Variants in LMNA observed in about 807,000 individuals in gnomAD.
The protein encoded by LMNA is lamin A/C.
In LMNA, 20 loss-of-function variants were observed where a neutral mutation model predicts 70.4. The observed-to-expected ratio is 0.28, with a 90% CI of 0.20 to 0.41. The LOEUF is 0.41. LMNA is among the 10% of genes least tolerant of loss of function. The pLI, the probability that LMNA is intolerant of heterozygous loss-of-function variation, is 1.00. For synonymous variants in LMNA, 339 were observed against 372.8 expected (o/e 0.91, Z 1.04); for missense variants, 652 against 917.2 (o/e 0.71, Z 3.73).
rs1651355363 is a variant in LMNA at position 156,134,513 on chromosome 1, G to A, written c.624G>A (p.Lys208=). Residue 208 remains lysine (K), a synonymous_variant, in exon 3 of 12, where the codon AAG becomes AAA. Transcript: ENST00000368300. This position sits in a 1 kb window ranked among gnomAD's most constrained non-coding sequence, Gnocchi z 5.3. ...QTMKEELDFQ[K]NIYSEELRET... ...TGAAGGAGGAACTGGACTTCCAGAA[G>A]AACATCTACAGTGAGGTGGGGACTG... The A allele has an allele frequency of 6.2e-7, 1 of 1,614,122 alleles. No homozygotes were observed. Among genetic ancestry groups the A allele is most frequent in the Non-Finnish European group, 8.5e-7 (1 of 1,180,044 alleles).
Position 156,137,308 on chromosome 1 carries a change from A to G in LMNA, c.1608+76A>G, listed in dbSNP as rs943846589. 3 of 1,531,888 alleles carry G rather than the reference A, an allele frequency of 2.0e-6. No homozygotes were observed. The highest frequency in any genetic ancestry group is 1.4e-5 in the African/African-American group (1 of 72,890). The allele number at this position is 1,531,888 out of a possible 1,614,324, so 94.9% of individuals were successfully genotyped here. A position where few individuals can be genotyped will look rare whatever the true frequency, so the allele number is the denominator to read the frequency against. On this transcript the variant is annotated intron_variant, in intron 9 of 11. Transcript: ENST00000368300. This position sits in a 1 kb window ranked among gnomAD's most constrained non-coding sequence, Gnocchi z 4.6. ...CCAACATCGGAGCCAGCTGCCCCCA[A>G]CCCAAGTTTGCCAATTCAGGGCCCC...
chr1:156,091,333 TG>T (rs1358590009), intron 3 of LMNA, among the ~76,000 whole-genome samples: 1 of 152,218 alleles, frequency 6.6e-6, no homozygotes, highest in African/African-American at 2.4e-5. Flanking sequence ...CCAGGTGCGG[TG>T]GCTCACCCCT....
intron 3 of LMNA, among the ~76,000 whole-genome samples, chr1:156,092,672 T>A (rs1459802711): frequency 4.2e-5 from 6 of 143,674 alleles, no homozygotes; most frequent in African/African-American, 1.6e-4. Context: ...AGAGCGAGAC[T>A]CCATCTCAAA....
chr1:156,110,332 T>C (rs1346730325), upstream of LMNA, among the ~76,000 whole-genome samples: 1 of 152,238 alleles, frequency 6.6e-6, no homozygotes. Context: ...TAGTAGATGT[T>C]CAATAAATAT....
chr1:156,136,443 T>C lies in LMNA; in HGVS notation c.1380+7T>C. The C allele has an allele frequency of 6.4e-7, 1 of 1,563,948 alleles. No homozygotes were observed. Among genetic ancestry groups the C allele is most frequent in the Non-Finnish European group, 8.7e-7 (1 of 1,154,848 alleles). ...GCGCAACAAGTCCAATGAGGTAGGCTCCTGCTCAGGGTCTAAGGGGATACA... is the reference window on the plus strand; with the variant it reads ...GCGCAACAAGTCCAATGAGGTAGGCCCCTGCTCAGGGTCTAAGGGGATACA... On this transcript the variant is annotated splice_region_variant and intron_variant, in intron 7 of 11. Transcript: ENST00000368300. This position sits in a 1 kb window ranked among gnomAD's most constrained non-coding sequence, Gnocchi z 6.1.
At chr1:156,102,345 A>G (rs1413496052) in intron 3 of LMNA, among the ~76,000 whole-genome samples, 1 of 152,164 alleles carries the variant, frequency 6.6e-6, no homozygotes, top group East Asian at 1.9e-4. Context: ...CCTGGGGTAC[A>G]GAGGGCAGCA....
In LMNA at chr1:156,137,081, C is replaced by T. The variant is rs1403856919; in HGVS notation, c.1489-32C>T. 2.0e-5 allele frequency: 33 copies of T among 1,613,942 alleles called. No individual in the cohort carries two copies. The highest frequency in any genetic ancestry group is 6.7e-5 in the East Asian group (3 of 44,896). On this transcript the variant is annotated intron_variant, in intron 8 of 11. Coordinates refer to ENST00000368300, the MANE Select transcript of LMNA (RefSeq NM_170707.4). This position sits in a 1 kb window ranked among gnomAD's most constrained non-coding sequence, Gnocchi z 4.6. ...GGGAGGCCTTGGGTGGCGATGGGAG[C>T]GCTGGGGTAAGTGTCCTTTTCTCCT... is the stretch of plus-strand genomic sequence containing the variant.
At position 156,137,713 on chromosome 1, in the gene LMNA, G is replaced by A. The variant is rs1384074908; in HGVS notation, c.1668G>A (p.Glu556=). Residue 556 remains glutamate (E), a synonymous_variant, in exon 10 of 12, where the codon GAG becomes GAA. Coordinates refer to ENST00000368300, the MANE Select transcript of LMNA (RefSeq NM_170707.4). The surrounding 1 kb of genome is among the most constrained non-coding windows in gnomAD (Gnocchi z 4.6). ...CTGTGGTTGAGGACGACGAGGATGA[G>A]GATGGAGATGACCTGCTCCATCACC... ...SVTVVEDDED[E]DGDDLLHHHH... 3 of 1,554,436 alleles carry A rather than the reference G, an allele frequency of 1.9e-6. No individual in the cohort carries two copies. Among genetic ancestry groups the A allele is most frequent in the East Asian group, 2.4e-5 (1 of 41,640 alleles).
Position 156,134,592 on chromosome 1 carries a change from AG to A in LMNA, c.639+70del, listed in dbSNP as rs1651368288. The A allele has an allele frequency of 1.2e-6, 2 of 1,606,730 alleles. No individual in the cohort carries two copies. Among genetic ancestry groups the A allele is most frequent in the Non-Finnish European group, 1.7e-6 (2 of 1,175,660 alleles). On this transcript the variant is annotated intron_variant, in intron 3 of 11. Coordinates refer to ENST00000368300, the MANE Select transcript of LMNA (RefSeq NM_170707.4). The surrounding 1 kb of genome is among the most constrained non-coding windows in gnomAD (Gnocchi z 5.3). ...GGTGATGACAGACTTGGGCTGGGCT[AG>A]GGGGGACCAGCTGTGTGCAGAGCTC...
At chr1:156,104,675 G>A (rs984823263) in intron 3 of LMNA, among the ~76,000 whole-genome samples, 5 of 152,012 alleles carry the variant, frequency 3.3e-5, no homozygotes, top group Admixed American at 2.0e-4. Flanking sequence ...CTTCTCCCCC[G>A]CTACATCTCA....
intron 3 of LMNA, among the ~76,000 whole-genome samples, chr1:156,098,081 C>G (rs1300523342): frequency 6.6e-6 from 1 of 152,216 alleles, no homozygotes; most frequent in Non-Finnish European, 1.5e-5. Flanking sequence ...TCTTGTTCAG[C>G]TTTGGGGCCC....
At position 156,126,018 on chromosome 1, in the gene LMNA, C is replaced by A. The variant is rs2485672; in HGVS notation, c.357-4599C>A. The A allele has an allele frequency of 0.076, 23,548 of 311,588 alleles. 1,824 individuals are homozygous for A. The highest frequency in any genetic ancestry group is 0.25 in the African/African-American group (11,325 of 45,566). The allele number at this position is 311,588 out of a possible 1,614,324, so 19.3% of individuals were successfully genotyped here. On this transcript the variant is annotated intron_variant, in intron 1 of 11. Transcript: ENST00000368300. ...ATAAATGAAAAATTTTAAAATTAAACAATTAAAAATTTTAAATTAAAATTA... is the reference window on the plus strand; with the variant it reads ...ATAAATGAAAAATTTTAAAATTAAAAAATTAAAAATTTTAAATTAAAATTA...
chr1:156,096,823 C>G (rs544150330), intron 3 of LMNA, among the ~76,000 whole-genome samples: 1 of 152,368 alleles, frequency 6.6e-6, no homozygotes, highest in East Asian at 1.9e-4. Context: ...CTCCCCTTGG[C>G]CACCTCCCTT....
chr1:156,130,268 A>C (rs920161765), intron 1 of LMNA, among the ~76,000 whole-genome samples: 1 of 152,082 alleles, frequency 6.6e-6, no homozygotes, highest in East Asian at 1.9e-4. Context: ...CTGTGTGGGA[A>C]GGGGCAGGAG....
At chr1:156,086,393 A>ACTCT (rs55740793) in intron 2 of LMNA, among the ~76,000 whole-genome samples, 4,485 of 146,322 alleles carry the variant, frequency 0.031, 79 homozygotes, top group South Asian at 0.06. Context: ...GTGACCTCTG[A>ACTCT]CTCTCTCTCT....
chr1:156,127,509 G>GTTTTT (rs1170940332), intron 1 of LMNA, among the ~76,000 whole-genome samples: 4 of 84,494 alleles, frequency 4.7e-5, no homozygotes, highest in South Asian at 4.1e-4. Flanking sequence ...CCCCCTTACT[G>GTTTTT]TTTTTTTTTT....
At chr1:156,124,104 G>A (rs1011857082) in intron 1 of LMNA, among the ~76,000 whole-genome samples, 6 of 152,194 alleles carry the variant, frequency 3.9e-5, no homozygotes, top group African/African-American at 1.2e-4. Flanking sequence ...CAAGGGAAGC[G>A]TGTGGAAGCA....
chr1:156,113,642 C>T (rs968385093), upstream of LMNA, among the ~76,000 whole-genome samples: 2 of 152,052 alleles, frequency 1.3e-5, no homozygotes, highest in African/African-American at 2.4e-5. Context: ...CCCCCCACTA[C>T]CTTCTTTCTG....
Position 156,136,286 on chromosome 1 carries a change from G to A in LMNA, c.1230G>A (p.Gln410=), listed in dbSNP as rs1651615685. Residue 410 remains glutamine (Q), a synonymous_variant, in exon 7 of 12, where the codon CAG becomes CAA. Coordinates refer to ENST00000368300, the MANE Select transcript of LMNA (RefSeq NM_170707.4). This position sits in a 1 kb window ranked among gnomAD's most constrained non-coding sequence, Gnocchi z 6.1. The part of the protein sequence containing the change: ...GRASSHSSQT[Q]GGGSVTKKRK... The stretch of plus-strand genomic sequence containing the variant: ...CTTCCTCTCACTCATCCCAGACACA[G>A]GGTGGGGGCAGCGTCACCAAAAAGC... 2 of 1,612,134 alleles carry A rather than the reference G, an allele frequency of 1.2e-6. No individual in the cohort carries two copies. The highest frequency in any genetic ancestry group is 1.7e-6 in the Non-Finnish European group (2 of 1,180,028).
Sources: gnomAD v4.1 joint callset for allele counts (sites outside exome capture counted in the v4.1 genomes callset) on GRCh38, gnomAD v4.1.1 for gene constraint, Gnocchi (gnomAD v3.1) non-coding constraint, MANE v1.5 for transcripts, NCBI Gene and HGNC (gene_info 2026-07-23, HGNC 2026-07-21) for gene names.